Variants in LONRF3 observed in about 807,000 individuals in gnomAD.
LONRF3 encodes LON peptidase N-terminal domain and ring finger 3, also known as LON peptidase N-terminal domain and RING finger protein 3.
LONRF3 carries 19 observed loss-of-function variants against 51.7 expected under a neutral mutation model. The ratio of observed to expected loss-of-function variants is 0.37; its 90% confidence interval spans 0.26 to 0.54. LONRF3 has a LOEUF of 0.54. Ranked by LOEUF, LONRF3 falls within the 20% of genes least tolerant of loss-of-function variation. The probability of loss-of-function intolerance (pLI) is 0.86; values close to 1 mark genes in which losing one functional copy is unlikely to be tolerated. For synonymous variants in LONRF3, 265 were observed against 257.8 expected (o/e 1.03, Z -0.27); for missense variants, 521 against 623.9 (o/e 0.84, Z 1.76).
chrX:119,002,112 G>A (rs113884820), intron 5 of LONRF3, among the ~76,000 whole-genome samples: 3,320 of 112,157 alleles, frequency 0.03, 46 homozygotes, highest in Non-Finnish European at 0.045. Context: ...ACACACAGTG[G>A]AAAAGTGCAT....
At position 118,978,327 on chromosome X, in the gene LONRF3, TC is replaced by T; in HGVS notation, c.818-17del. On this transcript the variant is annotated splice_polypyrimidine_tract_variant and intron_variant, in intron 1 of 10. Coordinates refer to ENST00000371628, the MANE Select transcript of LONRF3 (RefSeq NM_001031855.3). ...GCTGGGGGCCATTAATAAAGGTTTTTCTTTCTTATTTTGACAGCTCCAAATG... is the reference window on the plus strand; with the variant it reads ...GCTGGGGGCCATTAATAAAGGTTTTTTTTCTTATTTTGACAGCTCCAAATG... 5 of 1,116,163 alleles carry T rather than the reference TC, an allele frequency of 4.5e-6. No individual in the cohort carries two copies. Among genetic ancestry groups the T allele is most frequent in the Non-Finnish European group, 4.9e-6 (4 of 809,242 alleles). 92.0% of individuals were successfully genotyped at this position (1,116,163 alleles called of 1,213,427 possible).
intron 6 of LONRF3, 135 bp downstream of exon 6, chrX:119,006,370 C>T: frequency 2.8e-6 from 1 of 356,378 alleles, no homozygotes; most frequent in Non-Finnish European, 5.0e-6. Flanking sequence ...GCACATTACT[C>T]CCTCAAACCA....
intron 2 of LONRF3, among the ~76,000 whole-genome samples, chrX:118,980,030 G>T (rs2147267144): frequency 8.9e-6 from 1 of 112,373 alleles, no homozygotes; most frequent in South Asian, 3.7e-4. Flanking sequence ...TTTGCAAAAT[G>T]AAGCTATTGA....
At chrX:118,996,661 G>T (rs894469379) in intron 5 of LONRF3, among the ~76,000 whole-genome samples, 3 of 111,308 alleles carry the variant, frequency 2.7e-5, no homozygotes, top group Non-Finnish European at 5.7e-5. Context: ...GGTGGCTCAT[G>T]CCTGTAATCC....
At chrX:118,980,014 T>G (rs1026815175) in intron 2 of LONRF3, among the ~76,000 whole-genome samples, 3 of 112,265 alleles carry the variant, frequency 2.7e-5, no homozygotes, top group African/African-American at 9.7e-5. Context: ...ACCCCAAGTA[T>G]CCTTGTTTGC....
At position 119,011,819 on chromosome X, in the gene LONRF3, A is replaced by G; in HGVS notation, c.1657A>G (p.Asn553Asp). ...EEEMEELSNL[N>D]KNVPIFVCTM... is the part of the protein sequence containing the mutation. ...GTCATTTTCTCTTTCTGACAGCCTT[A>G]ATAAGAATGTGCCTATTTTCGTGTG... The change falls in exon 8 of 11, where the codon AAT becomes GAT. Residue 553 changes from asparagine (N) to aspartate (D), a missense_variant. Transcript: ENST00000371628. 8.3e-7 allele frequency: 1 copy of G among 1,210,358 alleles called. No individual in the cohort carries two copies. The highest frequency in any genetic ancestry group is 1.1e-6 in the Non-Finnish European group (1 of 894,597).
chrX:118,991,191 T>C (rs1217347911), intron 5 of LONRF3, among the ~76,000 whole-genome samples: 1 of 111,888 alleles, frequency 8.9e-6, no homozygotes, highest in Non-Finnish European at 1.9e-5. Flanking sequence ...GGTTTGTTTT[T>C]CTTAAACGTG....
chrX:119,007,401 G>A (rs761918851), intron 6 of LONRF3, among the ~76,000 whole-genome samples: 2 of 111,945 alleles, frequency 1.8e-5, no homozygotes, highest in South Asian at 3.7e-4. Flanking sequence ...TTTGCAGACC[G>A]CAGCCCTCTA....
Position 118,990,552 on chromosome X carries a change from A to G in LONRF3, c.1407A>G (p.Leu469=), listed in dbSNP as rs1426509879. 8.4e-7 allele frequency: 1 copy of G among 1,197,284 alleles called. No homozygotes were observed. Among genetic ancestry groups the G allele is most frequent in the Admixed American group, 2.2e-5 (1 of 46,066 alleles). ...SFDASDLECA[L]CMRLFYEPVT... ...ACGCATCTGACCTTGAATGCGCTCT[A>G]TGTATGAGGTACGTCCTGTGTACTA... The change falls in exon 5 of 11, where the codon CTA becomes CTG. Residue 469 remains leucine (L), a synonymous_variant. Transcript: ENST00000371628.
chrX:119,013,666 A>G lies in LONRF3; in HGVS notation c.1974+465A>G, dbSNP rs112069033. Among the ~76,000 whole-genome samples the G allele has an allele frequency of 4.9e-3, 554 of 112,379 alleles. 3 individuals are homozygous for G. Among genetic ancestry groups the G allele is most frequent in the African/African-American group, 0.017 (524 of 30,950 alleles). On this transcript the variant is annotated intron_variant, in intron 9 of 10. Coordinates refer to ENST00000371628, the MANE Select transcript of LONRF3 (RefSeq NM_001031855.3). ...TAATCCATCATCCCCTAAGGCAGAA[A>G]GATGACACATCTAGTTAATCCTTGG... is the stretch of plus-strand genomic sequence containing the variant.
intron 10 of LONRF3, among the ~76,000 whole-genome samples, chrX:119,016,350 C>CTTTTTTTTTTTTTTT (rs10640705): frequency 1.1e-5 from 1 of 88,540 alleles, no homozygotes; most frequent in African/African-American, 4.5e-5. Flanking sequence ...TTCTTTCTTT[C>CTTTTTTTTTTTTTTT]TTTTTTTTTT....
intron 3 of LONRF3, chrX:118,986,905 T>C (rs1923011957): frequency 7.0e-6 from 8 of 1,146,498 alleles, no homozygotes; most frequent in Non-Finnish European, 9.2e-6. Context: ...AGTAGTGAAG[T>C]CTTCTGTTTT....
intron 9 of LONRF3, among the ~76,000 whole-genome samples, chrX:119,013,849 A>G (rs780518890): frequency 8.9e-6 from 1 of 112,474 alleles, no homozygotes; most frequent in Non-Finnish European, 1.9e-5. Flanking sequence ...TGTCTTTTCC[A>G]GCAAGTAATG....
At chrX:118,994,405 C>CA (rs762339411) in intron 5 of LONRF3, among the ~76,000 whole-genome samples, 2 of 79,388 alleles carry the variant, frequency 2.5e-5, no homozygotes, top group South Asian at 6.3e-4. Context: ...TCAGACAAAA[C>CA]AAATTTTTTT....
intron 8 of LONRF3, 95 bp from the exon 9 acceptor site, chrX:119,012,944 G>A: frequency 1.7e-6 from 2 of 1,202,184 alleles, no homozygotes; most frequent in Non-Finnish European, 2.2e-6. Context: ...AGTCCCTTGA[G>A]CCACAGCATG....
Position 118,974,634 on chromosome X carries a change from C to T in LONRF3, c.-147C>T. On this transcript the variant is annotated 5_prime_UTR_variant, in exon 1 of 11. Transcript: ENST00000371628. ...AAGACAGTTATTAGGCGGCGCGGGG[C>T]GGCCGGCATGGAGCTCCCGGAGGCG... The T allele has an allele frequency of 2.1e-6, 1 of 476,157 alleles. No individual in the cohort carries two copies. The highest frequency in any genetic ancestry group is 3.4e-5 in the South Asian group (1 of 29,843). The allele number at this position is 476,157 out of a possible 1,213,427, so 39.2% of individuals were successfully genotyped here. A position where few individuals can be genotyped will look rare whatever the true frequency, so the allele number is the denominator to read the frequency against.
chrX:119,010,155 C>A (rs1475631149), intron 7 of LONRF3, among the ~76,000 whole-genome samples: 1 of 111,742 alleles, frequency 8.9e-6, no homozygotes, highest in Non-Finnish European at 1.9e-5. Context: ...ACTTGTCAAG[C>A]GCTTTCTCTG....
chrX:118,987,930 A>G (rs1364112331), intron 3 of LONRF3, among the ~76,000 whole-genome samples: 2 of 111,983 alleles, frequency 1.8e-5, no homozygotes, highest in Non-Finnish European at 3.8e-5. Context: ...AGGTATTTGT[A>G]CCTTTCTTTG....
intron 1 of LONRF3, chrX:118,976,435 C>T (rs1234725452): frequency 8.8e-6 from 1 of 113,493 alleles, no homozygotes. Flanking sequence ...AAATAGATGC[C>T]CCCCCTTGCC....
Sources: allele counts gnomAD v4.1 joint callset (sites outside exome capture counted in the v4.1 genomes callset), GRCh38; gene constraint gnomAD v4.1.1; transcripts MANE v1.5; gene names NCBI Gene and HGNC (gene_info 2026-07-23, HGNC 2026-07-21).